The following ADCY1 variants were observed in gnomAD, a reference collection of about 807,000 sequenced individuals.
ADCY1 encodes the protein adenylate cyclase 1, also known as adenylate cyclase type 1.
Under a neutral mutation model 105.4 loss-of-function variants are expected in ADCY1, and 28 were observed. The observed-to-expected ratio is 0.27, with a 90% CI of 0.20 to 0.36. ADCY1 has a LOEUF of 0.36. ADCY1 is among the 10% of genes least tolerant of loss of function. ADCY1 has a pLI of 1.00. For synonymous variants in ADCY1, 655 were observed against 623.8 expected, an observed-to-expected ratio of 1.05 and a Z score of -0.75; for missense variants, 977 against 1,434.2, an observed-to-expected ratio of 0.68 and a Z score of 5.15.
intron 4 of ADCY1, among the ~76,000 whole-genome samples, chr7:45,642,288 G>T (rs961986555): frequency 2.6e-5 from 4 of 152,212 alleles, no homozygotes; most frequent in African/African-American, 7.2e-5. Context: ...ATGTGCATGG[G>T]CTCAGGGCTA....
At chr7:45,688,440 G>A (rs1382785883) in intron 14 of ADCY1, among the ~76,000 whole-genome samples, 3 of 152,220 alleles carry the variant, frequency 2.0e-5, no homozygotes, top group Non-Finnish European at 4.4e-5. Context: ...AGAGTAGGGT[G>A]AAGGGTAGGT....
At chr7:45,712,050 T>C (rs1448335608) in intron 19 of ADCY1, among the ~76,000 whole-genome samples, 3 of 130,092 alleles carry the variant, frequency 2.3e-5, no homozygotes, top group Non-Finnish European at 3.1e-5. Context: ...TTTTATATAA[T>C]ATATTAAATA....
intron 4 of ADCY1, among the ~76,000 whole-genome samples, chr7:45,625,981 G>A (rs1443366063): frequency 2.6e-5 from 4 of 152,220 alleles, no homozygotes; most frequent in African/African-American, 9.7e-5. Flanking sequence ...CCATGTCCAA[G>A]AGAAGGAGAT....
chr7:45,703,481 C>G lies in ADCY1; in HGVS notation c.2560C>G (p.Pro854Ala). ...CGCCCAGCACTTCCTCATGTCCAAC[C>G]CTCGGAACATGGTGAGCACCCAGCC... The part of the protein sequence containing the change: ...HVAQHFLMSN[P>A]RNMDLYYQSY... The change falls in exon 15 of 20, where the codon CCT (proline) becomes GCT (alanine). Residue 854 changes from proline to alanine, a missense_variant. This residue lies in a region of ADCY1 where 152 missense variants were observed against 293.7 expected (regional missense o/e 0.52). Coordinates refer to ENST00000297323, the MANE Select transcript of ADCY1 (RefSeq NM_021116.4). The surrounding 1 kb of genome is among the most constrained non-coding windows in gnomAD (Gnocchi z 5.9). 1.2e-6 allele frequency: 2 copies of G among 1,614,112 alleles called. No homozygotes were observed. Among genetic ancestry groups the G allele is most frequent in the East Asian group, 4.5e-5 (2 of 44,866 alleles).
intron 14 of ADCY1, among the ~76,000 whole-genome samples, chr7:45,696,349 G>GA (rs1373213294): frequency 6.9e-6 from 1 of 145,676 alleles, no homozygotes; most frequent in Non-Finnish European, 1.5e-5. Context: ...TGAGGCAGGA[G>GA]AATGGCGTGA....
chr7:45,606,279 G>T (rs1167890773), intron 2 of ADCY1, among the ~76,000 whole-genome samples: 5 of 151,892 alleles, frequency 3.3e-5, no homozygotes, highest in Non-Finnish European at 5.9e-5. Flanking sequence ...ACAGCCTGGG[G>T]TGGGGGTGGA....
At chr7:45,637,189 A>T (rs1231613926) in intron 4 of ADCY1, among the ~76,000 whole-genome samples, 1 of 152,244 alleles carries the variant, frequency 6.6e-6, no homozygotes, top group African/African-American at 2.4e-5. Context: ...TAATTACAGC[A>T]TAAGAAACTT....
Position 45,657,772 on chromosome 7 carries a change from T to C in ADCY1, c.1194T>C (p.Gly398=). 6.2e-7 allele frequency: 1 copy of C among 1,613,936 alleles called. No individual in the cohort carries two copies. The highest frequency in any genetic ancestry group is 8.5e-7 in the Non-Finnish European group (1 of 1,179,962). ...AGGTGGATCTGAACATGCGTGTGGG[T>C]CTGCACACGGGCAGGGTCCTCTGTG... is the stretch of plus-strand genomic sequence containing the variant. ...ATEVDLNMRV[G]LHTGRVLCGV... Residue 398 remains glycine, a synonymous_variant, in exon 6 of 20, where the codon GGT becomes GGC. Coordinates refer to ENST00000297323, the MANE Select transcript of ADCY1 (RefSeq NM_021116.4).
At chr7:45,597,952 C>A (rs1226142744) in intron 2 of ADCY1, among the ~76,000 whole-genome samples, 3 of 152,110 alleles carry the variant, frequency 2.0e-5, no homozygotes, top group African/African-American at 7.2e-5. Context: ...TAAAATGACC[C>A]CTCCTCTCAA....
Position 45,659,336 on chromosome 7 carries a change from C to T in ADCY1, c.1308-706C>T, listed in dbSNP as rs556594092. Among the ~76,000 whole-genome samples the T allele has an allele frequency of 2.0e-4, 31 of 152,316 alleles. No individual in the cohort carries two copies. In the South Asian group the frequency reaches 4.8e-3, roughly 23 times the overall value. ...CCTGCGAGGAGTTCAGAAGGTTGTG[C>T]GGTGAAGTGAAGAACTGGGTTTGCA... is the stretch of plus-strand genomic sequence containing the variant. On this transcript the variant is annotated intron_variant, in intron 6 of 19. Coordinates refer to ENST00000297323, the MANE Select transcript of ADCY1 (RefSeq NM_021116.4).
At chr7:45,690,005 C>T (rs1340718518) in intron 14 of ADCY1, among the ~76,000 whole-genome samples, 1 of 152,200 alleles carries the variant, frequency 6.6e-6, no homozygotes, top group Non-Finnish European at 1.5e-5. Context: ...AAAGGGAGGG[C>T]GATAGGACCC....
chr7:45,584,320 C>A (rs1397764643), intron 1 of ADCY1, among the ~76,000 whole-genome samples: 1 of 152,140 alleles, frequency 6.6e-6, no homozygotes, highest in Non-Finnish European at 1.5e-5. Flanking sequence ...GCTCTGGTGG[C>A]CCCCACTTCC....
At chr7:45,679,506 G>A (rs1784518119) in intron 10 of ADCY1, among the ~76,000 whole-genome samples, 1 of 152,184 alleles carries the variant, frequency 6.6e-6, no homozygotes, top group African/African-American at 2.4e-5. Flanking sequence ...TTCTTACTCA[G>A]GAACCCCAGA....
At chr7:45,634,064 G>A (rs1003011474) in intron 4 of ADCY1, among the ~76,000 whole-genome samples, 1 of 152,118 alleles carries the variant, frequency 6.6e-6, no homozygotes, top group African/African-American at 2.4e-5. Flanking sequence ...AGGGCCAACT[G>A]TACAATTGAG....
Position 45,714,622 on chromosome 7 carries a change from C to T in ADCY1, c.*627C>T, listed in dbSNP as rs933021700. The T allele has an allele frequency of 6.5e-6, 1 of 152,800 alleles. No individual in the cohort carries two copies. Among genetic ancestry groups the T allele is most frequent in the South Asian group, 2.1e-4 (1 of 4,828 alleles). The allele number at this position is 152,800 out of a possible 1,614,324, so 9.5% of individuals were successfully genotyped here. Reference sequence around the variant, plus strand: ...TCTGGGGAGAATTGAGAAGCTGCCTCTCACTGCATGGATAGTGGTGGCTGC... The same window carrying T: ...TCTGGGGAGAATTGAGAAGCTGCCTTTCACTGCATGGATAGTGGTGGCTGC... On this transcript the variant is annotated 3_prime_UTR_variant, in exon 20 of 20. Transcript: ENST00000297323.
At chr7:45,585,494 A>G (rs1792694623) in intron 1 of ADCY1, among the ~76,000 whole-genome samples, 1 of 140,996 alleles carries the variant, frequency 7.1e-6, no homozygotes, top group Non-Finnish European at 1.5e-5. Flanking sequence ...CTCAGGCTGC[A>G]GTGCAATGGC....
rs528831762 is a variant in ADCY1, at chr7:45,647,392, A to G, written c.1021-1278A>G. Among the ~76,000 whole-genome samples the G allele has an allele frequency of 6.6e-6, 1 of 152,194 alleles. No homozygotes were observed. The highest frequency in any genetic ancestry group is 2.4e-5 in the African/African-American group (1 of 41,442). ...AGCTGATGATTCTCATTCCAAATGC[A>G]CTTGTGTTAACTCAGCATTCGACAG... On this transcript the variant is annotated intron_variant, in intron 4 of 19. Coordinates refer to ENST00000297323, the MANE Select transcript of ADCY1 (RefSeq NM_021116.4). This position sits in a 1 kb window ranked among gnomAD's most constrained non-coding sequence, Gnocchi z 4.6.
intron 6 of ADCY1, 129 bp downstream of exon 6, chr7:45,658,014 G>A (rs1453182768): frequency 8.4e-6 from 9 of 1,076,772 alleles, no homozygotes; most frequent in South Asian, 3.2e-5. Flanking sequence ...GGAGGAGCCT[G>A]CCTGTCCCAG....
rs1271735539 is a variant in ADCY1 at position 45,647,231 on chromosome 7, GGCCAATCCCTGCTCA to G, written c.1021-1435_1021-1421del. On this transcript the variant is annotated intron_variant, in intron 4 of 19. Transcript: ENST00000297323. This position sits in a 1 kb window ranked among gnomAD's most constrained non-coding sequence, Gnocchi z 4.6. ...CCATGGACAGGCCATTCAGCTGCTAGGCCAATCCCTGCTCAGCCTGGGAACTGGGGCTCCCAGCGG... is the reference window on the plus strand; with the variant it reads ...CCATGGACAGGCCATTCAGCTGCTAGGCCTGGGAACTGGGGCTCCCAGCGG... Among the ~76,000 whole-genome samples, 1 of 152,212 alleles carries G rather than the reference GGCCAATCCCTGCTCA, an allele frequency of 6.6e-6. No homozygotes were observed. Among genetic ancestry groups the G allele is most frequent in the African/African-American group, 2.4e-5 (1 of 41,448 alleles).
Sources: gnomAD v4.1 joint callset for allele counts (sites outside exome capture counted in the v4.1 genomes callset) on GRCh38, gnomAD v4.1.1 for gene constraint, gnomAD v4.1.1 regional missense constraint, Gnocchi (gnomAD v3.1) non-coding constraint, MANE v1.5 for transcripts, NCBI Gene and HGNC (gene_info 2026-07-23, HGNC 2026-07-21) for gene names.